The following ROBO3 variants were observed in gnomAD, a reference collection of about 807,000 sequenced individuals.
ROBO3 encodes the protein roundabout homolog 3.
ROBO3 carries 97 observed loss-of-function variants against 160.5 expected under a neutral mutation model. The ratio of observed to expected loss-of-function variants is 0.60; its 90% CI spans 0.51 to 0.72. ROBO3 has a LOEUF of 0.72. ROBO3 is among the 30% of genes least tolerant of loss of function. The pLI, the probability that ROBO3 is intolerant of heterozygous loss-of-function variation, is 0.00. For missense variants in ROBO3, 1,858 were observed against 1,846.5 expected, an observed-to-expected ratio of 1.01 and a Z score of -0.11; for synonymous variants, 780 against 746.2, an observed-to-expected ratio of 1.05 and a Z score of -0.74.
intron 7 of ROBO3, among the ~76,000 whole-genome samples, chr11:124,871,892 A>G (rs921893952): frequency 1.3e-5 from 2 of 152,198 alleles, no homozygotes; most frequent in East Asian, 1.9e-4. Context: ...GTAGGGGTGA[A>G]GCAGGTGTTA....
rs1194411593 is a variant in ROBO3, at chr11:124,873,824, T to A, written c.1746T>A (p.Thr582=). 1.2e-6 allele frequency: 2 copies of A among 1,613,652 alleles called. No homozygotes were observed. The highest frequency in any genetic ancestry group is 3.3e-5 in the Admixed American group (2 of 59,982). The change falls in exon 11 of 28, where the codon ACT becomes ACA. Residue 582 remains threonine (T), a synonymous_variant. Coordinates refer to ENST00000397801, the MANE Select transcript of ROBO3 (RefSeq NM_022370.4). The surrounding 1 kb of genome is among the most constrained non-coding windows in gnomAD (Gnocchi z 4.5). The part of the protein sequence containing the change: ...ITLTWKPNPQ[T]GAAVTSYVIE... ...TGACCTGGAAGCCCAACCCACAAAC[T>A]GGGGCTGCAGTCACGTCTTATGTGA... is the stretch of plus-strand genomic sequence containing the variant.
At position 124,880,398 on chromosome 11, in the gene ROBO3, C is replaced by A. The variant is rs750463390; in HGVS notation, c.3959-20C>A. Reference sequence around the variant, plus strand: ...CTGCTTCCTGCCTGCACCTGGCTACCCTTCCCTCTTGTGCTGCAGAAGAGG... The same window carrying A: ...CTGCTTCCTGCCTGCACCTGGCTACACTTCCCTCTTGTGCTGCAGAAGAGG... On this transcript the variant is annotated intron_variant, in intron 26 of 27. Coordinates refer to ENST00000397801, the MANE Select transcript of ROBO3 (RefSeq NM_022370.4). 6.2e-7 allele frequency: 1 copy of A among 1,612,300 alleles called. No homozygotes were observed. Among genetic ancestry groups the A allele is most frequent in the Non-Finnish European group, 8.5e-7 (1 of 1,179,040 alleles).
In ROBO3 at chr11:124,880,592, G is replaced by C. The variant is rs1946557301; in HGVS notation, c.4133G>C (p.Gly1378Ala). The change falls in exon 27 of 28, where the codon GGA becomes GCA. Residue 1378 changes from glycine to alanine, a missense_variant. By Grantham distance (60) the Gly-to-Ala change is moderately conservative (BLOSUM62 0). Coordinates refer to ENST00000397801, the MANE Select transcript of ROBO3 (RefSeq NM_022370.4). ...SQSRSQSQRP[G>A]QKRREEPR is the part of the protein sequence containing the mutation. ...AGCCGGAGCCAGAGCCAAAGGCCAGGACAGAAACGCCGAGAGGTAGGGGCC... is the reference window on the plus strand; with the variant it reads ...AGCCGGAGCCAGAGCCAAAGGCCAGCACAGAAACGCCGAGAGGTAGGGGCC... 1 of 1,548,038 alleles carries C rather than the reference G, an allele frequency of 6.5e-7. No homozygotes were observed. The highest frequency in any genetic ancestry group is 8.7e-7 in the Non-Finnish European group (1 of 1,146,202).
Position 124,872,138 on chromosome 11 carries a change from T to C in ROBO3, c.1159-243T>C, listed in dbSNP as rs1203935021. On this transcript the variant is annotated intron_variant, in intron 7 of 27. Coordinates refer to ENST00000397801, the MANE Select transcript of ROBO3 (RefSeq NM_022370.4). The surrounding 1 kb of genome is among the most constrained non-coding windows in gnomAD (Gnocchi z 4.3). ...GGGCTCAGGCAGGTTAAACAGCTTGTTCAGGGTTTCCCCACTAGTAAGTCA... is the reference window on the plus strand; with the variant it reads ...GGGCTCAGGCAGGTTAAACAGCTTGCTCAGGGTTTCCCCACTAGTAAGTCA... Among the ~76,000 whole-genome samples the C allele has an allele frequency of 6.6e-6, 1 of 152,236 alleles. No homozygotes were observed. Among genetic ancestry groups the C allele is most frequent in the Non-Finnish European group, 1.5e-5 (1 of 68,028 alleles).
Position 124,870,975 on chromosome 11 carries a change from TCTGA to T in ROBO3, c.1034-36_1034-33del, listed in dbSNP as rs1476949264. ...TCCTGCAGTCTCCTTTCTTAGTGCC[TCTGA>T]CTACCTGTTCCTTTTTCTCACCTGC... On this transcript the variant is annotated intron_variant, in intron 6 of 27. Transcript: ENST00000397801. 5.0e-6 allele frequency: 8 copies of T among 1,593,238 alleles called. No homozygotes were observed. In the South Asian group the frequency reaches 8.9e-5, roughly 18 times the overall value.
chr11:124,874,232 A>G lies in ROBO3; in HGVS notation c.1947A>G (p.Thr649=), dbSNP rs1213192730. 1.9e-6 allele frequency: 3 copies of G among 1,613,184 alleles called. No homozygotes were observed. The highest frequency in any genetic ancestry group is 2.5e-6 in the Non-Finnish European group (3 of 1,179,394). Residue 649 remains threonine, a synonymous_variant, in exon 12 of 28, where the codon ACA becomes ACG. Coordinates refer to ENST00000397801, the MANE Select transcript of ROBO3 (RefSeq NM_022370.4). ...EPSPVSEPVR[T]QDSSPSRPVE... is the part of the protein sequence containing the mutation. ...GCCCCGTCTCTGAGCCTGTCCGTACACAGGGTAAGGTCAGAGTCCCTGGGC... is the reference window on the plus strand; with the variant it reads ...GCCCCGTCTCTGAGCCTGTCCGTACGCAGGGTAAGGTCAGAGTCCCTGGGC...
chr11:124,877,485 T>A (rs1038814054), intron 19 of ROBO3, 34 bp from the exon 20 acceptor site: 1 of 1,599,868 alleles, frequency 6.3e-7, no homozygotes, highest in African/African-American at 1.3e-5. Flanking sequence ...CTCTTCAGGC[T>A]CTCCGTCCCC....
intron 24 of ROBO3, 54 bp from the exon 25 acceptor site, chr11:124,879,410 CT>C (rs2135346910): frequency 2.5e-6 from 4 of 1,608,474 alleles, no homozygotes; most frequent in Non-Finnish European, 3.4e-6. Flanking sequence ...ACCCTTAGGC[CT>C]TTTTCCTGAT....
chr11:124,868,255 T>G (rs1946228630), intron 1 of ROBO3, among the ~76,000 whole-genome samples: 1 of 152,204 alleles, frequency 6.6e-6, no homozygotes, highest in Non-Finnish European at 1.5e-5. Context: ...CAAGCCCTTC[T>G]AGGCCCGGCC....
Position 124,878,060 on chromosome 11 carries a change from C to T in ROBO3, c.3110C>T (p.Pro1037Leu), listed in dbSNP as rs755501605. The T allele has an allele frequency of 1.2e-6, 2 of 1,612,658 alleles. No homozygotes were observed. The highest frequency in any genetic ancestry group is 2.2e-5 in the East Asian group (1 of 44,830). Residue 1037 changes from proline to leucine, a missense_variant, in exon 21 of 28, where the codon CCC becomes CTC. Physicochemically the swap from Pro to Leu is moderately conservative, Grantham distance 98. Coordinates refer to ENST00000397801, the MANE Select transcript of ROBO3 (RefSeq NM_022370.4). The surrounding 1 kb of genome is among the most constrained non-coding windows in gnomAD (Gnocchi z 4.3). ...CTGCAGACCTTCCATGGGGGCTTCCCCCAACATCCCTCAGGAGATCTGGGT... is the reference window on the plus strand; with the variant it reads ...CTGCAGACCTTCCATGGGGGCTTCCTCCAACATCCCTCAGGAGATCTGGGT... ...EELQTFHGGF[P>L]QHPSGDLGPW...
chr11:124,879,859 G>A lies in ROBO3; in HGVS notation c.3869G>A (p.Ser1290Asn), dbSNP rs757473990. Reference protein sequence around the residue: ...SWALELRAAGSMSSLERERSG... With the variant: ...SWALELRAAGNMSSLERERSG... ...GCCCTAGAGCTGAGGGCAGCAGGCAGCATGTCCTCCCTGGAGCGGGAGCGC... is the reference window on the plus strand; with the variant it reads ...GCCCTAGAGCTGAGGGCAGCAGGCAACATGTCCTCCCTGGAGCGGGAGCGC... Residue 1290 changes from serine (S) to asparagine (N), a missense_variant, in exon 26 of 28, where the codon AGC (serine) becomes AAC (asparagine). Physicochemically the swap from Ser to Asn is conservative, Grantham distance 46. Coordinates refer to ENST00000397801, the MANE Select transcript of ROBO3 (RefSeq NM_022370.4). 3 of 1,613,752 alleles carry A rather than the reference G, an allele frequency of 1.9e-6. No individual in the cohort carries two copies. Among genetic ancestry groups the A allele is most frequent in the Non-Finnish European group, 2.5e-6 (3 of 1,179,820 alleles).
rs2135331014 is a variant in ROBO3, at chr11:124,873,809, G to C, written c.1731G>C (p.Lys577Asn). The C allele has an allele frequency of 6.2e-7, 1 of 1,613,852 alleles. No homozygotes were observed. The change falls in exon 11 of 28, where the codon AAG becomes AAC. Residue 577 changes from lysine (K) to asparagine (N), a missense_variant. Transcript: ENST00000397801. This position sits in a 1 kb window ranked among gnomAD's most constrained non-coding sequence, Gnocchi z 4.5. Reference protein sequence around the residue: ...ITKNSITLTWKPNPQTGAAVT... With the variant: ...ITKNSITLTWNPNPQTGAAVT... ...AGAACAGCATTACCCTGACCTGGAA[G>C]CCCAACCCACAAACTGGGGCTGCAG...
In ROBO3 at chr11:124,873,959, C is replaced by T. The variant is rs1946313476; in HGVS notation, c.1784+97C>T. On this transcript the variant is annotated intron_variant, in intron 11 of 27. Coordinates refer to ENST00000397801, the MANE Select transcript of ROBO3 (RefSeq NM_022370.4). The surrounding 1 kb of genome is among the most constrained non-coding windows in gnomAD (Gnocchi z 4.5). ...TATTGTGAGGTGGGATTCTCCAGTA[C>T]CCTCTTGCAAGGGGAAGACATAATG... The T allele has an allele frequency of 2.5e-6, 4 of 1,580,400 alleles. No homozygotes were observed. The highest frequency in any genetic ancestry group is 1.3e-5 in the African/African-American group (1 of 74,374).
Position 124,879,948 on chromosome 11 carries a change from G to T in ROBO3, c.3958G>T (p.Glu1320Ter). ...LAAQRVLHPD[E>*]EAWLPYSRPS... Reference sequence around the variant, plus strand: ...AGCCCAGCGGGTGCTCCACCCAGATGGTAAGCAGGGCCAGGGCAGGCAGGA... The same window carrying T: ...AGCCCAGCGGGTGCTCCACCCAGATTGTAAGCAGGGCCAGGGCAGGCAGGA... The change falls in exon 26 of 28, where the codon GAA (glutamate) becomes TAA (stop). Residue 1320 changes from glutamate to a stop codon, truncating the protein, a stop_gained and splice_region_variant. Transcript: ENST00000397801. LOFTEE classifies it high-confidence loss of function. The T allele has an allele frequency of 6.4e-7, 1 of 1,570,840 alleles. No homozygotes were observed. Among genetic ancestry groups the T allele is most frequent in the East Asian group, 2.3e-5 (1 of 42,616 alleles).
At position 124,873,833 on chromosome 11, in the gene ROBO3, A is replaced by T. The variant is rs2135331095; in HGVS notation, c.1755A>T (p.Ala585=). Residue 585 remains alanine (A), a synonymous_variant, in exon 11 of 28, where the codon GCA becomes GCT. Coordinates refer to ENST00000397801, the MANE Select transcript of ROBO3 (RefSeq NM_022370.4). The surrounding 1 kb of genome is among the most constrained non-coding windows in gnomAD (Gnocchi z 4.5). ...AGCCCAACCCACAAACTGGGGCTGCAGTCACGTCTTATGTGATAGAGGCCT... is the reference window on the plus strand; with the variant it reads ...AGCCCAACCCACAAACTGGGGCTGCTGTCACGTCTTATGTGATAGAGGCCT... ...TWKPNPQTGA[A]VTSYVIEAFS... 6.2e-7 allele frequency: 1 copy of T among 1,613,656 alleles called. No individual in the cohort carries two copies.
Position 124,873,033 on chromosome 11 carries a change from G to A in ROBO3, c.1480G>A (p.Asp494Asn), listed in dbSNP as rs1946299967. ...GAAGGATGGGCAGTGGCTGCAGGGG[G>A]ATGACCTCCAGTTCAAGACAATGGC... Reference protein sequence around the residue: ...WKKDGQWLQGDDLQFKTMANG... With the variant: ...WKKDGQWLQGNDLQFKTMANG... The change falls in exon 9 of 28, where the codon GAT becomes AAT. Residue 494 changes from aspartate (D) to asparagine (N), a missense_variant. By Grantham distance (23) the Asp-to-Asn change is conservative. Coordinates refer to ENST00000397801, the MANE Select transcript of ROBO3 (RefSeq NM_022370.4). This position sits in a 1 kb window ranked among gnomAD's most constrained non-coding sequence, Gnocchi z 4.5. 1.2e-6 allele frequency: 2 copies of A among 1,613,962 alleles called. No individual in the cohort carries two copies. The highest frequency in any genetic ancestry group is 1.7e-6 in the Non-Finnish European group (2 of 1,179,862).
Position 124,876,430 on chromosome 11 carries a change from A to T in ROBO3, c.2749A>T (p.Lys917Ter). 6.9e-7 allele frequency: 1 copy of T among 1,446,428 alleles called. No homozygotes were observed. Among genetic ancestry groups the T allele is most frequent in the Non-Finnish European group, 9.0e-7 (1 of 1,105,638 alleles). The allele number at this position is 1,446,428 out of a possible 1,614,324, so 89.6% of individuals were successfully genotyped here. A position where few individuals can be genotyped will look rare whatever the true frequency, so the allele number is the denominator to read the frequency against. Residue 917 changes from lysine (K) to a stop codon, truncating the protein, a stop_gained, in exon 17 of 28, where the codon AAA becomes TAA. Transcript: ENST00000397801. LOFTEE classifies it high-confidence loss of function. This position sits in a 1 kb window ranked among gnomAD's most constrained non-coding sequence, Gnocchi z 5.3. Reference sequence around the variant, plus strand: ...CTGCGCCGCCCTCTACTGGCGCCGGAAACAGCGCAAAGAGCTCAGCCACTA... The same window carrying T: ...CTGCGCCGCCCTCTACTGGCGCCGGTAACAGCGCAAAGAGCTCAGCCACTA... ...GLCAALYWRR[K>*]QRKELSHYTA...
Position 124,866,250 on chromosome 11 carries a change from A to G in ROBO3, c.160+513A>G, listed in dbSNP as rs548573655. On this transcript the variant is annotated intron_variant, in intron 1 of 27. Coordinates refer to ENST00000397801, the MANE Select transcript of ROBO3 (RefSeq NM_022370.4). ...GGGGATAGGGGCGGCGATCATTTTA[A>G]GGAAACTTAGAAGTTTGTCTTTCAG... Among the ~76,000 whole-genome samples, 73 of 152,340 alleles carry G rather than the reference A, an allele frequency of 4.8e-4. No homozygotes were observed. In the Middle Eastern group the frequency reaches 0.01, roughly 21 times the overall value.
intron 5 of ROBO3, 32 bp from the exon 6 acceptor site, chr11:124,870,569 G>A (rs1277019725): frequency 1.2e-6 from 2 of 1,613,192 alleles, no homozygotes; most frequent in African/African-American, 2.7e-5. Flanking sequence ...TGTAGCTGTG[G>A]CCAACCCAGC....
Sources: allele counts gnomAD v4.1 joint callset (sites outside exome capture counted in the v4.1 genomes callset), GRCh38; gene constraint gnomAD v4.1.1; non-coding constraint Gnocchi (gnomAD v3.1); transcripts MANE v1.5; gene names NCBI Gene and HGNC (gene_info 2026-07-23, HGNC 2026-07-21).